Variants in HDC observed in about 807,000 individuals in gnomAD.
HDC encodes histidine decarboxylase.
Under a neutral mutation model 64.4 loss-of-function variants are expected in HDC, and 27 were observed. That is an observed-to-expected ratio of 0.42 (90% confidence interval 0.31 to 0.58). HDC has a LOEUF of 0.58. HDC is among the 20% of genes least tolerant of loss of function. The pLI is 0.16. For missense variants in HDC, 711 were observed against 833.9 expected (o/e 0.85, Z 1.81); for synonymous variants, 305 against 314.2 (o/e 0.97, Z 0.31).
At chr15:50,265,050 A>T (rs2045749740) in intron 1 of HDC, among the ~76,000 whole-genome samples, 1 of 152,234 alleles carries the variant, frequency 6.6e-6, no homozygotes, top group Non-Finnish European at 1.5e-5. Flanking sequence ...TTTTTAAGCA[A>T]CTACCTACTT....
intron 9 of HDC, among the ~76,000 whole-genome samples, chr15:50,252,091 G>A (rs2045564311): frequency 6.6e-6 from 1 of 152,158 alleles, no homozygotes; most frequent in Admixed American, 6.5e-5. Flanking sequence ...TGCTGGGTAA[G>A]AAACAAAAAA....
At chr15:50,250,844 C>A (rs2045544862) in intron 9 of HDC, among the ~76,000 whole-genome samples, 1 of 152,186 alleles carries the variant, frequency 6.6e-6, no homozygotes, top group African/African-American at 2.4e-5. Flanking sequence ...TCTGTCACCA[C>A]CAGTAAGCCG....
intron 5 of HDC, 82 bp downstream of exon 5, chr15:50,254,448 G>A (rs563261875): frequency 1.7e-5 from 27 of 1,593,760 alleles, no homozygotes; most frequent in South Asian, 8.8e-5. Context: ...GCGTACTCAC[G>A]TCTAGAAAAA....
intron 2 of HDC, among the ~76,000 whole-genome samples, chr15:50,260,875 T>C (rs1274872821): frequency 6.6e-6 from 1 of 152,118 alleles, no homozygotes; most frequent in African/African-American, 2.4e-5. Context: ...GAGGATTGTC[T>C]AACCAGGGTT....
chr15:50,245,620 G>A (rs766287592), intron 10 of HDC, among the ~76,000 whole-genome samples: 2 of 152,118 alleles, frequency 1.3e-5, no homozygotes, highest in Non-Finnish European at 2.9e-5. Flanking sequence ...CATGGCCAGG[G>A]GTGGTGGCTC....
rs1040397016 is a variant in HDC at position 50,244,178 on chromosome 15, C to G, written c.1141-934G>C. ...TTCTCTTTTCTTTTTAAAAATTTCT[C>G]CAAGCATCCAGAAGATCTCAATAAA... On this transcript the variant is annotated intron_variant, in intron 10 of 11. Transcript: ENST00000267845. Among the ~76,000 whole-genome samples, 15 of 152,040 alleles carry G rather than the reference C, an allele frequency of 9.9e-5. 1 individual carries two copies. Among genetic ancestry groups the G allele is most frequent in the Admixed American group, 3.9e-4 (6 of 15,254 alleles).
chr15:50,258,515 C>T lies in HDC; in HGVS notation c.207G>A (p.Val69=). The T allele has an allele frequency of 6.3e-7, 1 of 1,589,564 alleles. No individual in the cohort carries two copies. Among genetic ancestry groups the T allele is most frequent in the Non-Finnish European group, 8.6e-7 (1 of 1,157,912 alleles). The change falls in exon 3 of 12, where the codon GTG becomes GTA. Residue 69 remains valine, a splice_region_variant and synonymous_variant. Coordinates refer to ENST00000267845, the MANE Select transcript of HDC (RefSeq NM_002112.4). ...GDIERIIMPG[V]VHWQSPHMHA... is the part of the protein sequence containing the mutation. ...GCATATGGGGGCTCTGCCAATGTACCACCTGGAGGCAGAGCATGCACAGAG... is the reference window on the plus strand; with the variant it reads ...GCATATGGGGGCTCTGCCAATGTACTACCTGGAGGCAGAGCATGCACAGAG...
intron 2 of HDC, among the ~76,000 whole-genome samples, chr15:50,259,489 C>G (rs1321585576): frequency 6.6e-6 from 1 of 152,200 alleles, no homozygotes; most frequent in Non-Finnish European, 1.5e-5. Flanking sequence ...AACTCAGAAG[C>G]AGCCCTGGTG....
intron 5 of HDC, 123 bp from the exon 6 acceptor site, chr15:50,254,396 T>G: frequency 7.2e-6 from 11 of 1,531,870 alleles, no homozygotes; most frequent in Non-Finnish European, 9.9e-6. Context: ...TCCCTACAGT[T>G]GCTGGAGACA....
intron 3 of HDC, 103 bp downstream of exon 3, chr15:50,258,301 A>T: frequency 1.4e-6 from 1 of 721,960 alleles, no homozygotes; most frequent in Non-Finnish European, 2.6e-6. Context: ...ATTAATATTT[A>T]TTGTGGAGCC....
intron 9 of HDC, among the ~76,000 whole-genome samples, chr15:50,251,069 T>C (rs1305306701): frequency 2.0e-5 from 3 of 152,232 alleles, no homozygotes; most frequent in African/African-American, 7.2e-5. Context: ...CTCTCAGCAC[T>C]TCAGTGTATT....
At chr15:50,261,576 T>C (rs1419795705) in intron 2 of HDC, among the ~76,000 whole-genome samples, 1 of 149,164 alleles carries the variant, frequency 6.7e-6, no homozygotes, top group Non-Finnish European at 1.5e-5. Context: ...AGCCCAGGAG[T>C]TGGAGACCAG....
intron 9 of HDC, among the ~76,000 whole-genome samples, chr15:50,250,031 G>T (rs2045533701): frequency 6.6e-6 from 1 of 152,186 alleles, no homozygotes; most frequent in Admixed American, 6.5e-5. Flanking sequence ...TCCTTGCAGG[G>T]CTCCCTTGCC....
chr15:50,252,936 G>A (rs1157170979), intron 7 of HDC, 162 bp from the exon 8 acceptor site: 6 of 688,316 alleles, frequency 8.7e-6, no homozygotes, highest in African/African-American at 1.8e-5. Context: ...GTTTGAAGAA[G>A]TGGGGCTGAA....
At chr15:50,252,955 C>G in intron 7 of HDC, 181 bp from the exon 8 acceptor site, 1 of 636,576 alleles carries the variant, frequency 1.6e-6, no homozygotes, top group Non-Finnish European at 2.7e-6. Context: ...AAGGAGGCAT[C>G]ATTACCTCCG....
intron 2 of HDC, 50 bp downstream of exon 2, chr15:50,263,185 C>T (rs370649975): frequency 6.3e-7 from 1 of 1,588,418 alleles, no homozygotes; most frequent in Non-Finnish European, 8.6e-7. Context: ...CACCACCCAC[C>T]CTTCTGTGCC....
chr15:50,242,279 G>T lies in HDC; in HGVS notation c.1970C>A (p.Pro657His), dbSNP rs778646925. 5 of 1,613,972 alleles carry T rather than the reference G, an allele frequency of 3.1e-6. No homozygotes were observed. The Admixed American group carries it at 5.0e-5, about 16-fold the overall frequency. ...SQCGLQLPCCPLQAMV is the reference protein window; with the variant it reads ...SQCGLQLPCCHLQAMV Reference sequence around the variant, plus strand: ...CTGTGTCTAAACCATGGCCTGCAGAGGGCAACAGGGCAGCTGGAGTCCACA... The same window carrying T: ...CTGTGTCTAAACCATGGCCTGCAGATGGCAACAGGGCAGCTGGAGTCCACA... The change falls in exon 12 of 12, where the codon CCT (proline) becomes CAT (histidine). Residue 657 changes from proline to histidine, a missense_variant. By Grantham distance (77) the Pro-to-His change is moderately conservative (BLOSUM62 -2). Transcript: ENST00000267845.
chr15:50,264,812 T>G (rs1360501949), intron 1 of HDC, among the ~76,000 whole-genome samples: 1 of 152,204 alleles, frequency 6.6e-6, no homozygotes, highest in Non-Finnish European at 1.5e-5. Context: ...TCTCACATCC[T>G]GGTTCTTCTC....
At chr15:50,245,395 GGATGAT>G (rs575390454) in intron 10 of HDC, among the ~76,000 whole-genome samples, 11 of 151,952 alleles carry the variant, frequency 7.2e-5, no homozygotes, top group Admixed American at 6.6e-4. Flanking sequence ...TAGGAGATGA[GGATGAT>G]GATGATGATG....
Sources: allele counts gnomAD v4.1 joint callset (sites outside exome capture counted in the v4.1 genomes callset), GRCh38; gene constraint gnomAD v4.1.1; transcripts MANE v1.5; gene names NCBI Gene and HGNC (gene_info 2026-07-23, HGNC 2026-07-21).